SHISA9: variants seen among roughly 807,000 people sequenced by gnomAD.
SHISA9 encodes shisa family member 9, also known as protein shisa-9.
In SHISA9, 13 loss-of-function variants were observed where a neutral mutation model predicts 38.0. The observed-to-expected ratio is 0.34, with a 90% CI of 0.22 to 0.54. The LOEUF (loss-of-function observed/expected upper bound fraction) is 0.54. SHISA9 is among the 20% of genes least tolerant of loss of function. The pLI is 0.91. For missense variants in SHISA9, 538 were observed against 575.8 expected, an observed-to-expected ratio of 0.93 and a Z score of 0.67; for synonymous variants, 275 against 242.0, an observed-to-expected ratio of 1.14 and a Z score of -1.27.
intron 2 of SHISA9, among the ~76,000 whole-genome samples, chr16:13,004,909 G>A (rs1596578147): frequency 7.1e-6 from 1 of 140,934 alleles, no homozygotes; most frequent in African/African-American, 2.7e-5. Context: ...TCCAGCCTGG[G>A]TGACAAGAGT....
the SHISA9 span, among the ~76,000 whole-genome samples, chr16:13,490,386 A>AAAAC: frequency 2.0e-5 from 3 of 152,094 alleles, no homozygotes; most frequent in African/African-American, 4.8e-5. Context: ...CTATCTCTAC[A>AAAAC]AAACAAACAA....
the SHISA9 span, among the ~76,000 whole-genome samples, chr16:13,306,050 G>A: frequency 6.6e-6 from 1 of 152,146 alleles, no homozygotes; most frequent in Non-Finnish European, 1.5e-5. Flanking sequence ...AAGGTACAGA[G>A]GTGGCAGAGG....
At chr16:13,296,392 T>C in the SHISA9 span, among the ~76,000 whole-genome samples, 5 of 151,860 alleles carry the variant, frequency 3.3e-5, no homozygotes, top group African/African-American at 7.3e-5. Flanking sequence ...AGGGTTGTTA[T>C]TTGCTGTGCG....
intron 2 of SHISA9, among the ~76,000 whole-genome samples, chr16:13,015,888 T>TTCTC (rs368915264): frequency 1.0e-5 from 1 of 95,350 alleles, no homozygotes; most frequent in African/African-American, 3.2e-5. Context: ...CTTTCTTTCT[T>TTCTC]TCTTTCTTTC....
chr16:13,138,978 A>T (rs1419805020), intron 2 of SHISA9, among the ~76,000 whole-genome samples: 2 of 152,034 alleles, frequency 1.3e-5, no homozygotes, highest in Non-Finnish European at 2.9e-5. Context: ...TGCGGGATGG[A>T]GGGGAGGAAG....
intron 4 of SHISA9, among the ~76,000 whole-genome samples, 197 bp downstream of exon 4, chr16:13,213,497 G>T (rs892946143): frequency 5.3e-5 from 8 of 152,102 alleles, no homozygotes; most frequent in Admixed American, 3.3e-4. Context: ...TCTAGCAATT[G>T]TTGGACAACG....
At chr16:13,076,448 C>A (rs935741226) in intron 2 of SHISA9, among the ~76,000 whole-genome samples, 4 of 152,198 alleles carry the variant, frequency 2.6e-5, no homozygotes, top group African/African-American at 9.6e-5. Context: ...TTTACCTATG[C>A]ACTTTTTAGT....
At chr16:12,958,792 T>G (rs2071870012) in intron 2 of SHISA9, among the ~76,000 whole-genome samples, 1 of 152,104 alleles carries the variant, frequency 6.6e-6, no homozygotes, top group African/African-American at 2.4e-5. Flanking sequence ...ATGTATCTAG[T>G]AAATGGCAGT....
chr16:13,367,008 G>C, the SHISA9 span, among the ~76,000 whole-genome samples: 1 of 145,876 alleles, frequency 6.9e-6, no homozygotes, highest in East Asian at 2.0e-4. Flanking sequence ...AAAAGAAGAA[G>C]AATCGAGGTT....
the SHISA9 span, among the ~76,000 whole-genome samples, chr16:13,381,063 C>A: frequency 0.011 from 1,726 of 152,110 alleles, 26 homozygotes; most frequent in African/African-American, 0.039. Flanking sequence ...TTAATGCAGT[C>A]TATCATTGAT....
At chr16:12,984,211 C>T (rs1163106105) in intron 2 of SHISA9, among the ~76,000 whole-genome samples, 4 of 152,076 alleles carry the variant, frequency 2.6e-5, no homozygotes, top group East Asian at 1.9e-4. Flanking sequence ...CTTGGAGCCT[C>T]TAGCATCAAG....
At chr16:13,336,182 T>C in the SHISA9 span, among the ~76,000 whole-genome samples, 1 of 152,150 alleles carries the variant, frequency 6.6e-6, no homozygotes, top group Non-Finnish European at 1.5e-5. Context: ...AGGCATGTCA[T>C]TGAACCTCAC....
At chr16:13,425,906 C>A in the SHISA9 span, among the ~76,000 whole-genome samples, 1 of 152,146 alleles carries the variant, frequency 6.6e-6, no homozygotes, top group Non-Finnish European at 1.5e-5. Flanking sequence ...TGTGGCTTTG[C>A]CTGATCCTGC....
At chr16:13,213,970 CATG>C (rs1203686876) in intron 4 of SHISA9, among the ~76,000 whole-genome samples, 1 of 152,122 alleles carries the variant, frequency 6.6e-6, no homozygotes, top group Admixed American at 6.5e-5. Flanking sequence ...GAAATGAGGA[CATG>C]ATGTCTAAGT....
the SHISA9 span, among the ~76,000 whole-genome samples, chr16:13,523,080 G>C: frequency 2.8e-4 from 42 of 152,290 alleles, no homozygotes; most frequent in African/African-American, 9.6e-4. Flanking sequence ...AGGCTCGGTA[G>C]CTCACGCCTG....
intron 2 of SHISA9, among the ~76,000 whole-genome samples, chr16:13,010,613 G>T (rs1004094230): frequency 1.3e-5 from 2 of 152,130 alleles, no homozygotes; most frequent in Non-Finnish European, 2.9e-5. Flanking sequence ...AAGTACTACT[G>T]GGATCAGAAT....
At chr16:13,031,038 A>C (rs2072984703) in intron 2 of SHISA9, among the ~76,000 whole-genome samples, 1 of 152,134 alleles carries the variant, frequency 6.6e-6, no homozygotes, top group African/African-American at 2.4e-5. Flanking sequence ...CATATCTTCC[A>C]GCCGTTTATA....
intron 2 of SHISA9, among the ~76,000 whole-genome samples, chr16:13,122,636 G>C (rs2050223236): frequency 6.6e-6 from 1 of 152,212 alleles, no homozygotes; most frequent in Non-Finnish European, 1.5e-5. Context: ...CAGAAAAAAG[G>C]GGGAGAAGGA....
chr16:13,161,645 C>A (rs1046499985), intron 2 of SHISA9, among the ~76,000 whole-genome samples: 1 of 152,146 alleles, frequency 6.6e-6, no homozygotes, highest in African/African-American at 2.4e-5. Context: ...ATGAGTCTTT[C>A]TTGTCTCTGC....
Sources: gnomAD v4.1 joint callset for allele counts (sites outside exome capture counted in the v4.1 genomes callset) on GRCh38, gnomAD v4.1.1 for gene constraint, MANE v1.5 for transcripts, NCBI Gene and HGNC (gene_info 2026-07-23, HGNC 2026-07-21) for gene names.